The following CYRIB variants were observed in gnomAD, a reference collection of about 807,000 sequenced individuals.
CYRIB encodes CYFIP related Rac1 interactor B.
A neutral mutation model predicts 44.2 loss-of-function variants in CYRIB; 8 were observed. The observed-to-expected ratio is 0.18, with a 90% CI of 0.11 to 0.33. CYRIB has a LOEUF of 0.33. Ranked by LOEUF, CYRIB falls within the 10% of genes least tolerant of loss-of-function variation. The probability of loss-of-function intolerance (pLI) is 1.00; values close to 1 mark genes in which losing one functional copy is unlikely to be tolerated. For missense variants in CYRIB, 185 were observed against 382.8 expected, an observed-to-expected ratio of 0.48 and a Z score of 4.31; for synonymous variants, 131 against 127.2, an observed-to-expected ratio of 1.03 and a Z score of -0.20.
upstream of CYRIB, chr8:130,017,076 G>C (rs995549203): frequency 6.6e-6 from 1 of 152,374 alleles, no homozygotes; most frequent in African/African-American, 2.4e-5. Context: ...GGGTCAGTGA[G>C]AGGAATGCTG....
intron 1 of CYRIB, among the ~76,000 whole-genome samples, chr8:129,934,980 T>G (rs1449986608): frequency 6.6e-6 from 1 of 152,218 alleles, no homozygotes; most frequent in African/African-American, 2.4e-5. Context: ...TCTGGAAAAC[T>G]TTGTAATTTT....
intron 1 of CYRIB, among the ~76,000 whole-genome samples, chr8:129,939,355 T>C (rs1395420732): frequency 8.5e-6 from 1 of 118,328 alleles, no homozygotes; most frequent in Non-Finnish European, 1.7e-5. Flanking sequence ...GAGGTGCCAA[T>C]GGAAGGAAGG....
chr8:129,926,674 G>A (rs183535010), intron 1 of CYRIB, among the ~76,000 whole-genome samples: 6 of 152,270 alleles, frequency 3.9e-5, no homozygotes, highest in Admixed American at 2.0e-4. Context: ...CAATGAAGCT[G>A]GATCCTGAGA....
At chr8:129,854,936 C>T (rs2045383703) in intron 6 of CYRIB, among the ~76,000 whole-genome samples, 1 of 151,642 alleles carries the variant, frequency 6.6e-6, no homozygotes, top group Non-Finnish European at 1.5e-5. Context: ...TTTATAGTTC[C>T]AAACACTATA....
In CYRIB at chr8:129,954,205, T is replaced by C. The variant is rs2094659906; in HGVS notation, c.-243+16738A>G. 1.3e-5 allele frequency among the ~76,000 whole-genome samples: 2 copies of C among 152,096 alleles called. 1 individual carries two copies. The highest frequency in any genetic ancestry group is 1.3e-4 in the Admixed American group (2 of 15,250). On this transcript the variant is annotated intron_variant, in intron 2 of 14. Coordinates refer to the CYRIB transcript ENST00000401979. ...AGAAAATGTCTATAGTCCATTTCAG[T>C]ATTTACTTAGCTTTTTAATTTTTAA...
intron 1 of CYRIB, among the ~76,000 whole-genome samples, chr8:129,918,931 A>C (rs969251053): frequency 1.3e-5 from 2 of 152,252 alleles, no homozygotes; most frequent in Admixed American, 6.5e-5. Flanking sequence ...AAATTTAGAA[A>C]AATATGTAAT....
At chr8:129,900,376 GT>G (rs2070909811) in intron 2 of CYRIB, among the ~76,000 whole-genome samples, 2 of 152,128 alleles carry the variant, frequency 1.3e-5, no homozygotes, top group East Asian at 3.9e-4. Context: ...TGTTAATGCT[GT>G]TTTTGCTGTT....
At chr8:129,883,161 A>G (rs1280182847) in intron 2 of CYRIB, among the ~76,000 whole-genome samples, 3 of 150,556 alleles carry the variant, frequency 2.0e-5, no homozygotes, top group Non-Finnish European at 4.4e-5. Flanking sequence ...CAGTTTATCT[A>G]ACACAGTGTT....
At chr8:129,988,332 C>T (rs2096537689) in intron 1 of CYRIB, among the ~76,000 whole-genome samples, 1 of 152,174 alleles carries the variant, frequency 6.6e-6, no homozygotes. Context: ...GGGACTGGGC[C>T]TGAGAAGGGA....
chr8:129,964,361 G>A (rs1039983098), intron 2 of CYRIB, among the ~76,000 whole-genome samples: 1 of 152,216 alleles, frequency 6.6e-6, no homozygotes, highest in African/African-American at 2.4e-5. Context: ...GAATCTTACA[G>A]TTGGAAAAAT....
chr8:129,954,036 C>A (rs2131425246), intron 2 of CYRIB, among the ~76,000 whole-genome samples: 1 of 152,216 alleles, frequency 6.6e-6, no homozygotes, highest in South Asian at 2.1e-4. Context: ...AGCTTCCCTT[C>A]TAAAATCCTG....
intron 5 of CYRIB, among the ~76,000 whole-genome samples, chr8:129,859,243 T>C (rs2047926686): frequency 6.6e-6 from 1 of 152,186 alleles, no homozygotes; most frequent in East Asian, 1.9e-4. Context: ...GCTTACATTA[T>C]TATTTCTGCT....
intron 1 of CYRIB, among the ~76,000 whole-genome samples, chr8:129,999,720 C>A (rs73398791): frequency 6.6e-6 from 1 of 152,214 alleles, no homozygotes. Context: ...CTCGACCTCC[C>A]GGTTCATGCA....
At chr8:129,982,040 T>C (rs1444027272) in intron 1 of CYRIB, among the ~76,000 whole-genome samples, 3 of 152,212 alleles carry the variant, frequency 2.0e-5, no homozygotes, top group Non-Finnish European at 2.9e-5. Flanking sequence ...CTGTGTGTAG[T>C]GAACAGGGGA....
intron 2 of CYRIB, among the ~76,000 whole-genome samples, chr8:129,880,936 C>T (rs1209593678): frequency 6.6e-6 from 1 of 152,118 alleles, no homozygotes; most frequent in Non-Finnish European, 1.5e-5. Context: ...AGAAAGTTAT[C>T]AATTAATGAC....
intron 1 of CYRIB, among the ~76,000 whole-genome samples, chr8:129,987,024 C>G (rs2096480181): frequency 6.6e-6 from 1 of 152,224 alleles, no homozygotes; most frequent in Non-Finnish European, 1.5e-5. Context: ...CAGTAAGAGA[C>G]TTCTCTCACA....
At chr8:129,894,816 T>A (rs565771123) in intron 2 of CYRIB, among the ~76,000 whole-genome samples, 25 of 152,144 alleles carry the variant, frequency 1.6e-4, no homozygotes, top group African/African-American at 5.8e-4. Context: ...TTGTAACCAA[T>A]CTTCTATATT....
intron 1 of CYRIB, among the ~76,000 whole-genome samples, chr8:129,935,928 C>T (rs115087309): frequency 0.016 from 2,502 of 152,220 alleles, 61 homozygotes; most frequent in African/African-American, 0.053. Context: ...TTTAAATAAT[C>T]AAAATTCTAA....
intron 4 of CYRIB, among the ~76,000 whole-genome samples, chr8:129,863,757 G>A (rs1023296964): frequency 6.6e-6 from 1 of 152,072 alleles, no homozygotes; most frequent in Admixed American, 6.5e-5. Flanking sequence ...TGAATAGAGG[G>A]TTATTTCCAA....
Sources: gnomAD v4.1 joint callset for allele counts (sites outside exome capture counted in the v4.1 genomes callset) on GRCh38, gnomAD v4.1.1 for gene constraint, MANE v1.5 for transcripts, NCBI Gene and HGNC (gene_info 2026-07-23, HGNC 2026-07-21) for gene names.